The following GTF2A1 variants were observed in gnomAD, a reference collection of about 807,000 sequenced individuals.
The protein encoded by GTF2A1 is general transcription factor IIA subunit 1.
In GTF2A1, 12 loss-of-function variants were observed where a neutral mutation model predicts 54.1. The observed-to-expected ratio is 0.22, with a 90% CI of 0.14 to 0.36. The LOEUF is 0.36. Among genes scored for constraint, GTF2A1 ranks in the 10% least tolerant of loss-of-function variants. GTF2A1 has a pLI of 1.00. For missense variants in GTF2A1, 335 were observed against 442.2 expected (o/e 0.76, Z 2.17); for synonymous variants, 145 against 152.0 (o/e 0.95, Z 0.34).
chr14:81,192,774 G>A lies in GTF2A1; in HGVS notation c.678C>T (p.Ile226=), dbSNP rs1566854141. 2 of 1,613,564 alleles carry A rather than the reference G, an allele frequency of 1.2e-6. No homozygotes were observed. The highest frequency in any genetic ancestry group is 1.7e-6 in the Non-Finnish European group (2 of 1,179,452). Residue 226 remains isoleucine, a synonymous_variant, in exon 7 of 9, where the codon ATC becomes ATT. Coordinates refer to ENST00000553612, the MANE Select transcript of GTF2A1 (RefSeq NM_015859.4). Reference sequence around the variant, plus strand: ...CTTGAGTCTTATTTCCTGTAAATAAGATTTGCTGAGGCTGGATGATGACAC... The same window carrying A: ...CTTGAGTCTTATTTCCTGTAAATAAAATTTGCTGAGGCTGGATGATGACAC... ...QTGVIIQPQQ[I]LFTGNKTQVI...
chr14:81,191,006 C>G (rs148464621), intron 7 of GTF2A1, among the ~76,000 whole-genome samples: 8 of 152,204 alleles, frequency 5.3e-5, no homozygotes, highest in African/African-American at 1.9e-4. Flanking sequence ...AGCACTGAAA[C>G]TATGAAGAAT....
chr14:81,200,462 TA>T (rs1435028790), intron 4 of GTF2A1, among the ~76,000 whole-genome samples: 1 of 151,874 alleles, frequency 6.6e-6, no homozygotes, highest in African/African-American at 2.4e-5. Context: ...CTGTCTCTAC[TA>T]AAAGTACAAA....
intron 2 of GTF2A1, chr14:81,209,803 A>C: frequency 9.1e-6 from 5 of 552,284 alleles, no homozygotes; most frequent in Non-Finnish European, 1.2e-5. Flanking sequence ...CAAAGTCTCA[A>C]CAGCCTCAAA....
In GTF2A1 at chr14:81,177,972, T is replaced by C. The variant is rs1331378594; in HGVS notation, c.*2251A>G. ...AGAAAAGCATTTGCCAAGTATACCA[T>C]AATTCATATGCAATACGCAGGTGCA... is the stretch of plus-strand genomic sequence containing the variant. On this transcript the variant is annotated 3_prime_UTR_variant, in exon 9 of 9. Coordinates refer to ENST00000553612, the MANE Select transcript of GTF2A1 (RefSeq NM_015859.4). 6.6e-6 allele frequency: 1 copy of C among 152,166 alleles called. No homozygotes were observed. The highest frequency in any genetic ancestry group is 1.5e-5 in the Non-Finnish European group (1 of 67,982). 9.4% of individuals were successfully genotyped at this position (152,166 alleles called of 1,614,324 possible). A position where few individuals can be genotyped will look rare whatever the true frequency, so the allele number is the denominator to read the frequency against.
intron 7 of GTF2A1, among the ~76,000 whole-genome samples, chr14:81,187,321 C>CTCCA (rs1285871807): frequency 6.6e-6 from 1 of 150,402 alleles, no homozygotes; most frequent in South Asian, 2.1e-4. Flanking sequence ...CACCACTGCA[C>CTCCA]TCCAGCCTGG....
chr14:81,180,623 T>C (rs891847121), intron 8 of GTF2A1, among the ~76,000 whole-genome samples: 5 of 152,014 alleles, frequency 3.3e-5, no homozygotes, highest in African/African-American at 1.2e-4. Context: ...TTAATAAAGT[T>C]TAATTTCACC....
intron 6 of GTF2A1, among the ~76,000 whole-genome samples, chr14:81,195,250 A>G (rs1451572693): frequency 6.6e-6 from 1 of 151,998 alleles, no homozygotes; most frequent in East Asian, 1.9e-4. Context: ...AATCATGGAC[A>G]GTATGAACTA....
rs199720966 is a variant in GTF2A1, at chr14:81,196,261, T to C, written c.479-20A>G. The C allele has an allele frequency of 8.7e-6, 14 of 1,613,378 alleles. No homozygotes were observed. The highest frequency in any genetic ancestry group is 1.0e-5 in the Non-Finnish European group (12 of 1,179,382). On this transcript the variant is annotated intron_variant, in intron 5 of 8. Coordinates refer to ENST00000553612, the MANE Select transcript of GTF2A1 (RefSeq NM_015859.4). ...GCTGGCCTAAAGCAAAAAGCATGCA[T>C]TCCGAGTTATCATTTTAGCAGTGAC...
chr14:81,188,306 G>A (rs1008518848), intron 7 of GTF2A1, among the ~76,000 whole-genome samples: 10 of 152,124 alleles, frequency 6.6e-5, no homozygotes, highest in Non-Finnish European at 1.2e-4. Context: ...CTCCAGCCCG[G>A]GAGGTCAAGA....
chr14:81,209,548 G>A (rs929959153), intron 2 of GTF2A1, among the ~76,000 whole-genome samples: 2 of 151,902 alleles, frequency 1.3e-5, no homozygotes, highest in African/African-American at 4.8e-5. Context: ...CTACCCTATC[G>A]AGCCAGACTC....
intron 7 of GTF2A1, among the ~76,000 whole-genome samples, chr14:81,186,613 A>C (rs938272070): frequency 6.6e-6 from 1 of 152,228 alleles, no homozygotes; most frequent in African/African-American, 2.4e-5. Flanking sequence ...TAATAAATGC[A>C]GAAAGAGAAG....
intron 4 of GTF2A1, among the ~76,000 whole-genome samples, chr14:81,198,544 C>T (rs1893037505): frequency 6.6e-6 from 1 of 152,170 alleles, no homozygotes; most frequent in African/African-American, 2.4e-5. Flanking sequence ...TTCTTGACTT[C>T]CTGGAGAGTT....
intron 7 of GTF2A1, among the ~76,000 whole-genome samples, chr14:81,186,794 A>T (rs963456233): frequency 2.0e-5 from 3 of 151,938 alleles, no homozygotes; most frequent in Non-Finnish European, 2.9e-5. Flanking sequence ...ACAAAAAATA[A>T]AAAAAATTAG....
chr14:81,191,350 C>G (rs998853079), intron 7 of GTF2A1, among the ~76,000 whole-genome samples: 1 of 152,084 alleles, frequency 6.6e-6, no homozygotes, highest in African/African-American at 2.4e-5. Context: ...GCATTTGTGT[C>G]CCCAGAAGAC....
intron 8 of GTF2A1, 86 bp from the exon 9 acceptor site, chr14:81,180,416 C>T (rs900134566): frequency 2.4e-5 from 16 of 680,744 alleles, no homozygotes; most frequent in Admixed American, 1.4e-4. Context: ...CACACACACA[C>T]GTACACACAC....
chr14:81,183,847 A>G (rs1327240114), intron 8 of GTF2A1, among the ~76,000 whole-genome samples: 1 of 152,156 alleles, frequency 6.6e-6, no homozygotes, highest in Non-Finnish European at 1.5e-5. Flanking sequence ...TTGACATTCT[A>G]AAGTTAAGGC....
At chr14:81,203,523 T>C (rs1282945992) in intron 3 of GTF2A1, among the ~76,000 whole-genome samples, 1 of 152,160 alleles carries the variant, frequency 6.6e-6, no homozygotes, top group Non-Finnish European at 1.5e-5. Flanking sequence ...TTGTACCATA[T>C]AAAATAATAA....
In GTF2A1 at chr14:81,188,246, T is replaced by C. The variant is rs899981142; in HGVS notation, c.934-2626A>G. 3.0e-4 allele frequency among the ~76,000 whole-genome samples: 45 copies of C among 152,166 alleles called. 1 individual carries two copies. The highest frequency in any genetic ancestry group is 4.1e-4 in the South Asian group (2 of 4,834). On this transcript the variant is annotated intron_variant, in intron 7 of 8. Coordinates refer to ENST00000553612, the MANE Select transcript of GTF2A1 (RefSeq NM_015859.4). Reference sequence around the variant, plus strand: ...TAGTAGATCCTTATCAAATACATGATTTGCAAATATTTTCTCCCAGCTACT... The same window carrying C: ...TAGTAGATCCTTATCAAATACATGACTTGCAAATATTTTCTCCCAGCTACT...
intron 6 of GTF2A1, 116 bp downstream of exon 6, chr14:81,195,991 TG>T (rs1595216318): frequency 1.2e-6 from 1 of 825,336 alleles, no homozygotes; most frequent in East Asian, 2.4e-5. Context: ...TTGAAACAAC[TG>T]GGTCTGTAGC....
Sources: allele counts gnomAD v4.1 joint callset (sites outside exome capture counted in the v4.1 genomes callset), GRCh38; gene constraint gnomAD v4.1.1; transcripts MANE v1.5; gene names NCBI Gene and HGNC (gene_info 2026-07-23, HGNC 2026-07-21).